The following SLC71A2 variants were observed in gnomAD, a reference collection of about 807,000 sequenced individuals.
The protein encoded by SLC71A2 is solute carrier family 71 member 2.
chr9:94,440,300 C>CCCG, the SLC71A2 span, among the ~76,000 whole-genome samples: 5 of 152,068 alleles, frequency 3.3e-5, no homozygotes, highest in Admixed American at 3.3e-4. Context: ...ACTACAGGCG[C>CCCG]CCACCACCAC....
chr9:94,406,930 A>G, the SLC71A2 span, among the ~76,000 whole-genome samples: 2 of 152,176 alleles, frequency 1.3e-5, no homozygotes, highest in Admixed American at 6.5e-5. Context: ...TAGAATTTCC[A>G]GTATTGTATT....
the SLC71A2 span, among the ~76,000 whole-genome samples, chr9:94,455,337 AT>A: frequency 1.0e-5 from 1 of 100,230 alleles, no homozygotes; most frequent in African/African-American, 4.1e-5. Context: ...CCTGGCTAAT[AT>A]TTTGATTTTT....
the SLC71A2 span, among the ~76,000 whole-genome samples, chr9:94,399,272 A>T: frequency 6.6e-6 from 1 of 152,098 alleles, no homozygotes; most frequent in Non-Finnish European, 1.5e-5. Flanking sequence ...CTCTAGTCCC[A>T]GAATTAGCTG....
At chr9:94,384,375 G>C in the SLC71A2 span, among the ~76,000 whole-genome samples, 4 of 131,568 alleles carry the variant, frequency 3.0e-5, no homozygotes, top group East Asian at 2.2e-4. Context: ...CTCTCTCTCT[G>C]TTGCTCAGGC....
At chr9:94,437,854 T>C in the SLC71A2 span, among the ~76,000 whole-genome samples, 1 of 147,438 alleles carries the variant, frequency 6.8e-6, no homozygotes, top group South Asian at 2.2e-4. Flanking sequence ...TCTAATTTCT[T>C]CTGGAAAACA....
chr9:94,391,793 G>T, the SLC71A2 span, among the ~76,000 whole-genome samples: 1 of 151,460 alleles, frequency 6.6e-6, no homozygotes, highest in Admixed American at 6.6e-5. Flanking sequence ...GGAGGCTGAG[G>T]CAGGAAAATC....
At chr9:94,419,012 A>G in the SLC71A2 span, among the ~76,000 whole-genome samples, 2 of 149,372 alleles carry the variant, frequency 1.3e-5, no homozygotes, top group Non-Finnish European at 3.0e-5. Flanking sequence ...CCTCGTGTTG[A>G]CTCCCTTTTT....
the SLC71A2 span, chr9:94,438,644 T>C: frequency 8.8e-7 from 1 of 1,136,246 alleles, no homozygotes; most frequent in Non-Finnish European, 1.3e-6. Flanking sequence ...GTGTTTTCAT[T>C]TGATCTCTCT....
chr9:94,403,530 A>G, the SLC71A2 span, among the ~76,000 whole-genome samples: 3 of 150,706 alleles, frequency 2.0e-5, no homozygotes. Flanking sequence ...GTTAAATGAT[A>G]TTCCATTGTA....
the SLC71A2 span, among the ~76,000 whole-genome samples, chr9:94,443,451 C>G: frequency 6.6e-6 from 1 of 152,214 alleles, no homozygotes; most frequent in African/African-American, 2.4e-5. Flanking sequence ...TGTACACCTT[C>G]CTTACTCAGA....
chr9:94,450,493 C>CTTTTTTTTTTTTTTTTTTTTTTTTTTTT, the SLC71A2 span, among the ~76,000 whole-genome samples: 13 of 102,014 alleles, frequency 1.3e-4, 1 homozygote, highest in Non-Finnish European at 1.8e-4. Flanking sequence ...AATAATGTAA[C>CTTTTTTTTTTTTTTTTTTTTTTTTTTTT]TTTTTTTTTT....
chr9:94,436,648 C>T, the SLC71A2 span, among the ~76,000 whole-genome samples: 1 of 152,088 alleles, frequency 6.6e-6, no homozygotes, highest in Non-Finnish European at 1.5e-5. Flanking sequence ...AGATGATGAA[C>T]TGCAGGTATT....
chr9:94,380,069 C>T, the SLC71A2 span, among the ~76,000 whole-genome samples: 21 of 152,278 alleles, frequency 1.4e-4, no homozygotes, highest in African/African-American at 5.1e-4. Context: ...AGATTGAGAC[C>T]ATCCTGGCTG....
At chr9:94,451,348 C>T in the SLC71A2 span, 1 of 514,588 alleles carries the variant, frequency 1.9e-6, no homozygotes, top group Non-Finnish European at 3.3e-6. Context: ...TCTTAATTTG[C>T]CACTGGTTTT....
At chr9:94,460,880 A>T in the SLC71A2 span, 1 of 152,186 alleles carries the variant, frequency 6.6e-6, no homozygotes, top group South Asian at 2.1e-4. Flanking sequence ...TTTTTAGGTT[A>T]AGCTTCCTAA....
the SLC71A2 span, among the ~76,000 whole-genome samples, chr9:94,404,256 C>G: frequency 2.0e-5 from 3 of 152,154 alleles, no homozygotes; most frequent in Non-Finnish European, 4.4e-5. Context: ...ATTTGCATTT[C>G]CCTAATGATA....
the SLC71A2 span, among the ~76,000 whole-genome samples, chr9:94,413,596 T>G: frequency 2.1e-5 from 3 of 142,762 alleles, no homozygotes; most frequent in Non-Finnish European, 4.5e-5. Context: ...ATCCCAGCAC[T>G]TTGCAGTAAG....
At chr9:94,413,659 CA>C in the SLC71A2 span, among the ~76,000 whole-genome samples, 15 of 101,958 alleles carry the variant, frequency 1.5e-4, no homozygotes, top group South Asian at 3.7e-4. Context: ...GACTTCATCT[CA>C]AAAAAAAAAA....
At chr9:94,408,236 A>C in the SLC71A2 span, among the ~76,000 whole-genome samples, 3 of 152,218 alleles carry the variant, frequency 2.0e-5, no homozygotes, top group Non-Finnish European at 4.4e-5. Flanking sequence ...TCGTAGGTTG[A>C]ATATATCATA....
Sources: gnomAD v4.1 joint callset for allele counts (sites outside exome capture counted in the v4.1 genomes callset) on GRCh38, gnomAD v4.1.1 for gene constraint, MANE v1.5 for transcripts, NCBI Gene and HGNC (gene_info 2026-07-23, HGNC 2026-07-21) for gene names.